Variants in CUX1 observed in about 807,000 individuals in gnomAD.
The protein encoded by CUX1 is protein CASP.
A neutral mutation model predicts 158.8 loss-of-function variants in CUX1; 31 were observed. The observed-to-expected ratio is 0.20, with a 90% CI of 0.15 to 0.26. The LOEUF (loss-of-function observed/expected upper bound fraction) is 0.26, where lower values mean the gene tolerates loss of function less well. Ranked by LOEUF, CUX1 falls within the 10% of genes least tolerant of loss-of-function variation. CUX1 has a pLI of 1.00. For missense variants in CUX1, 1,589 were observed against 2,014.6 expected, an observed-to-expected ratio of 0.79 and a Z score of 4.04; for synonymous variants, 879 against 862.1, an observed-to-expected ratio of 1.02 and a Z score of -0.34.
chr7:102,228,881 G>C (rs1798637690), intron 21 of CUX1, among the ~76,000 whole-genome samples: 1 of 152,152 alleles, frequency 6.6e-6, no homozygotes, highest in Non-Finnish European at 1.5e-5. Context: ...GCAGTGCCAG[G>C]ATGGCTTAGT....
At chr7:101,968,636 TGG>T (rs1811537965) in intron 2 of CUX1, among the ~76,000 whole-genome samples, 2 of 152,166 alleles carry the variant, frequency 1.3e-5, no homozygotes, top group Admixed American at 1.3e-4. Flanking sequence ...TTGGCCAGGC[TGG>T]TCTCAAACTC....
chr7:102,268,501 G>A (rs1394463180), intron 14 of CUX1, among the ~76,000 whole-genome samples: 2 of 152,006 alleles, frequency 1.3e-5, no homozygotes, highest in African/African-American at 2.4e-5. Context: ...GGGTCTTTGC[G>A]GGACCCCCTT....
chr7:102,148,356 T>C (rs1650107702), intron 8 of CUX1, among the ~76,000 whole-genome samples: 1 of 152,078 alleles, frequency 6.6e-6, no homozygotes, highest in Admixed American at 6.6e-5. Flanking sequence ...CTGACCAACA[T>C]GGTGAAACCC....
At chr7:101,942,572 C>T (rs1241002185) in intron 2 of CUX1, among the ~76,000 whole-genome samples, 1 of 152,160 alleles carries the variant, frequency 6.6e-6, no homozygotes, top group African/African-American at 2.4e-5. Context: ...CAGCGATCCT[C>T]CCACCTCAGC....
chr7:102,170,567 C>A lies in CUX1; in HGVS notation c.828+17C>A, dbSNP rs782327805. 1.4e-4 allele frequency: 222 copies of A among 1,545,044 alleles called. No individual in the cohort carries two copies. The highest frequency in any genetic ancestry group is 1.8e-4 in the Non-Finnish European group (206 of 1,137,956). On this transcript the variant is annotated intron_variant, in intron 10 of 23. Coordinates refer to ENST00000292535, the MANE Select transcript of CUX1 (RefSeq NM_181552.4). ...CCAGACGTGGTGGGTAGCCCCGGCCCCGTGGGGGACTGTCCCCGCCTGGCC... is the reference window on the plus strand; with the variant it reads ...CCAGACGTGGTGGGTAGCCCCGGCCACGTGGGGGACTGTCCCCGCCTGGCC...
chr7:101,825,753 C>CTGTGTGTGTGTGTGTG (rs537662700), intron 1 of CUX1, among the ~76,000 whole-genome samples: 62 of 129,514 alleles, frequency 4.8e-4, no homozygotes, highest in Admixed American at 1.0e-3. Flanking sequence ...TTAATGAAAT[C>CTGTGTGTGTGTGTGTG]TGTGTGTGTG....
chr7:101,933,936 G>T (rs1424831420), intron 2 of CUX1, among the ~76,000 whole-genome samples: 1 of 152,166 alleles, frequency 6.6e-6, no homozygotes, highest in South Asian at 2.1e-4. Flanking sequence ...TTTAAAAAGC[G>T]ATGTTTGGAT....
intron 4 of CUX1, among the ~76,000 whole-genome samples, chr7:102,093,540 C>T (rs1188149610): frequency 6.6e-6 from 1 of 152,172 alleles, no homozygotes; most frequent in Non-Finnish European, 1.5e-5. Flanking sequence ...TGGCGGGCTT[C>T]TTTCCTTTTT....
At chr7:101,870,744 AT>A (rs1346704525) in intron 1 of CUX1, among the ~76,000 whole-genome samples, 4 of 152,114 alleles carry the variant, frequency 2.6e-5, no homozygotes, top group Admixed American at 2.6e-4. Context: ...GTTCTGCAAG[AT>A]TTTTCCAACC....
Position 102,235,778 on chromosome 7 carries a change from C to CCA in CUX1, c.3622+1558_3622+1559dup, listed in dbSNP as rs139509701. Among the ~76,000 whole-genome samples, 116 of 141,420 alleles carry CCA rather than the reference C, an allele frequency of 8.2e-4. No individual in the cohort carries two copies. In the Middle Eastern group the frequency reaches 0.01, roughly 13 times the overall value. The allele number at this position is 141,420 out of a possible 152,430, so 92.8% of individuals were successfully genotyped here. On this transcript the variant is annotated intron_variant, in intron 22 of 23. Transcript: ENST00000292535. ...CCAGCCCACCCCACCCCCGTCCCCG[C>CCA]CACACACACACACACACACACGCGC... is the stretch of plus-strand genomic sequence containing the variant.
intron 9 of CUX1, among the ~76,000 whole-genome samples, chr7:102,159,733 C>T (rs1015817620): frequency 3.9e-5 from 6 of 151,930 alleles, no homozygotes; most frequent in South Asian, 2.1e-4. Context: ...TGGTGGCAGG[C>T]GCCTATAATC....
At position 102,209,032 on chromosome 7, in the gene CUX1, G is replaced by A. The variant is rs186101594; in HGVS notation, c.3130+3862G>A. 1.5e-3 allele frequency among the ~76,000 whole-genome samples: 234 copies of A among 152,296 alleles called. 1 individual carries two copies. Among genetic ancestry groups the A allele is most frequent in the African/African-American group, 5.3e-3 (222 of 41,572 alleles). ...GGCTTACAGCGGAGTCCGTGGGGGCGGATGGCTCTGTGCTCTGTGCTCGGT... is the reference window on the plus strand; with the variant it reads ...GGCTTACAGCGGAGTCCGTGGGGGCAGATGGCTCTGTGCTCTGTGCTCGGT... On this transcript the variant is annotated intron_variant, in intron 20 of 23. Transcript: ENST00000292535.
chr7:102,055,526 G>T (rs1473523018), intron 3 of CUX1, among the ~76,000 whole-genome samples: 1 of 152,082 alleles, frequency 6.6e-6, no homozygotes, highest in Non-Finnish European at 1.5e-5. Flanking sequence ...TATCATAATT[G>T]TTTGGGGACA....
At chr7:102,048,163 A>T (rs1434152826) in intron 3 of CUX1, among the ~76,000 whole-genome samples, 2 of 152,328 alleles carry the variant, frequency 1.3e-5, no homozygotes, top group East Asian at 1.9e-4. Context: ...GGTAGCAGAC[A>T]GTCCAAGGGG....
chr7:102,259,502 T>C (rs1036523024), downstream of CUX1, among the ~76,000 whole-genome samples: 23 of 151,864 alleles, frequency 1.5e-4, no homozygotes, highest in Non-Finnish European at 3.1e-4. Context: ...GCAGGAGAAT[T>C]GCTTGAACCT....
rs1051865458 is a variant in CUX1, at chr7:101,965,766, G to A, written c.141+49541G>A. Among the ~76,000 whole-genome samples the A allele has an allele frequency of 1.2e-4, 18 of 148,300 alleles. No individual in the cohort carries two copies. The East Asian group carries it at 2.0e-3, about 17-fold the overall frequency. ...CGGGAGGCTGAGGCAGGAGAATGGC[G>A]TGAACCCGGGAGGCAGAGCTTGCAG... On this transcript the variant is annotated intron_variant, in intron 2 of 23. Transcript: ENST00000292535.
At chr7:101,978,597 G>A (rs374879345) in intron 2 of CUX1, among the ~76,000 whole-genome samples, 46 of 152,210 alleles carry the variant, frequency 3.0e-4, no homozygotes, top group African/African-American at 8.7e-4. Context: ...AGATCTTTCC[G>A]TCTCCCTGCT....
At chr7:102,225,595 G>A (rs1486173773) in intron 20 of CUX1, among the ~76,000 whole-genome samples, 2 of 152,000 alleles carry the variant, frequency 1.3e-5, no homozygotes, top group African/African-American at 4.8e-5. Context: ...CAGGCACAGT[G>A]GCTCCTGCCT....
rs995738401 is a variant in CUX1 at position 102,054,971 on chromosome 7, C to CA, written c.190-15356dup. On this transcript the variant is annotated intron_variant, in intron 3 of 23. Coordinates refer to ENST00000292535, the MANE Select transcript of CUX1 (RefSeq NM_181552.4). ...GAGTGACAGAGTGAGACCCTGTCTCCAAAAAAAAAAAAGCCAGCTGGAATT... is the reference window on the plus strand; with the variant it reads ...GAGTGACAGAGTGAGACCCTGTCTCCAAAAAAAAAAAAAGCCAGCTGGAATT... 6.7e-3 allele frequency among the ~76,000 whole-genome samples: 848 copies of CA among 126,002 alleles called. 4 individuals are homozygous for CA. Among genetic ancestry groups the CA allele is most frequent in the Middle Eastern group, 0.02 (5 of 248 alleles). 82.7% of individuals were successfully genotyped at this position (126,002 alleles called of 152,430 possible).
Sources: allele counts gnomAD v4.1 joint callset (sites outside exome capture counted in the v4.1 genomes callset), GRCh38; gene constraint gnomAD v4.1.1; transcripts MANE v1.5; gene names NCBI Gene and HGNC (gene_info 2026-07-23, HGNC 2026-07-21).